The following CAMKK1 variants were observed in gnomAD, a reference collection of about 807,000 sequenced individuals.
CAMKK1 encodes the protein calcium/calmodulin dependent protein kinase kinase 1.
A neutral mutation model predicts 63.5 loss-of-function variants in CAMKK1; 20 were observed. The ratio of observed to expected loss-of-function variants is 0.32; its 90% confidence interval spans 0.22 to 0.46. The LOEUF (loss-of-function observed/expected upper bound fraction) is 0.46, where lower values mean the gene tolerates loss of function less well. CAMKK1 is among the 20% of genes least tolerant of loss of function. CAMKK1 has a pLI of 1.00. For synonymous variants in CAMKK1, 253 were observed against 269.0 expected (o/e 0.94, Z 0.58); for missense variants, 588 against 658.1 (o/e 0.89, Z 1.17).
At chr17:3,875,295 T>C (rs1320794973) in intron 10 of CAMKK1, among the ~76,000 whole-genome samples, 1 of 152,108 alleles carries the variant, frequency 6.6e-6, no homozygotes, top group Non-Finnish European at 1.5e-5. Context: ...CCCAACGTCT[T>C]TCTTTCTTTC....
chr17:3,869,252 C>T (rs1009722716), intron 14 of CAMKK1, among the ~76,000 whole-genome samples: 3 of 152,224 alleles, frequency 2.0e-5, no homozygotes, highest in East Asian at 1.9e-4. Flanking sequence ...CCACCGCGCC[C>T]GGCCCCACGC....
intron 12 of CAMKK1, among the ~76,000 whole-genome samples, chr17:3,871,407 T>G (rs184078172): frequency 3.5e-4 from 48 of 136,756 alleles, no homozygotes; most frequent in Non-Finnish European, 5.2e-4. Flanking sequence ...CAGGCTGGAG[T>G]GCAGTAGCAC....
Position 3,860,773 on chromosome 17 carries a change from G to A in CAMKK1, c.*1438C>T, listed in dbSNP as rs1348314725. ...ATGCATGTACCAGTGCAGGACATAC[G>A]AGTGAGCTGTGTGCAACAGATGAGC... On this transcript the variant is annotated 3_prime_UTR_variant, in exon 16 of 16. Coordinates refer to ENST00000348335, the MANE Select transcript of CAMKK1 (RefSeq NM_032294.3). The A allele has an allele frequency of 1.3e-5, 2 of 152,226 alleles. No individual in the cohort carries two copies. The highest frequency in any genetic ancestry group is 6.5e-5 in the Admixed American group (1 of 15,274). 9.4% of individuals were successfully genotyped at this position (152,226 alleles called of 1,614,324 possible).
intron 8 of CAMKK1, 42 bp from the exon 9 acceptor site, chr17:3,880,476 G>A: frequency 6.5e-7 from 1 of 1,536,894 alleles, no homozygotes. Context: ...GCTGAAATCA[G>A]GGCACCCGGC....
intron 11 of CAMKK1, among the ~76,000 whole-genome samples, chr17:3,873,086 A>G (rs2054967596): frequency 6.6e-6 from 1 of 152,254 alleles, no homozygotes. Flanking sequence ...AATTTGTCGA[A>G]TAAATGAGCA....
chr17:3,869,114 G>A (rs554926533), intron 14 of CAMKK1, among the ~76,000 whole-genome samples: 120 of 151,474 alleles, frequency 7.9e-4, no homozygotes, highest in African/African-American at 2.5e-3. Context: ...GACTACACGC[G>A]CCCGCCACCA....
At position 3,890,361 on chromosome 17, in the gene CAMKK1, C is replaced by T. The variant is rs186445082; in HGVS notation, c.-44+2578G>A. Among the ~76,000 whole-genome samples, 297 of 152,266 alleles carry T rather than the reference C, an allele frequency of 2.0e-3. 1 individual carries two copies. Among genetic ancestry groups the T allele is most frequent in the Admixed American group, 4.2e-3 (64 of 15,302 alleles). On this transcript the variant is annotated intron_variant, in intron 1 of 15. Transcript: ENST00000348335. This position sits in a 1 kb window ranked among gnomAD's most constrained non-coding sequence, Gnocchi z 6.5. ...CCTGACTCAGCACAGCTACCCCCAGCGCATCGTCCTGGCCCACCCACGGAG... is the reference window on the plus strand; with the variant it reads ...CCTGACTCAGCACAGCTACCCCCAGTGCATCGTCCTGGCCCACCCACGGAG...
rs1329299163 is a variant in CAMKK1, at chr17:3,876,742, C to T, written c.797-320G>A. Among the ~76,000 whole-genome samples, 3 of 142,928 alleles carry T rather than the reference C, an allele frequency of 2.1e-5. No individual in the cohort carries two copies. The East Asian group carries it at 6.3e-4, about 30-fold the overall frequency. 93.8% of individuals were successfully genotyped at this position (142,928 alleles called of 152,430 possible). On this transcript the variant is annotated intron_variant, in intron 9 of 15. Transcript: ENST00000348335. ...GGAAACTAGGGCAGGAGAGTTGTTG[C>T]TGTTTTTTTTTTTGGTTTTTTTTTT...
At chr17:3,867,544 A>G (rs927735775) in intron 14 of CAMKK1, among the ~76,000 whole-genome samples, 3 of 152,186 alleles carry the variant, frequency 2.0e-5, no homozygotes, top group Non-Finnish European at 4.4e-5. Flanking sequence ...AGCAAGGGAC[A>G]GCGTGGGAGG....
Position 3,885,560 on chromosome 17 carries a change from T to C in CAMKK1, c.128A>G (p.Asp43Gly). 1 of 1,613,378 alleles carries C rather than the reference T, an allele frequency of 6.2e-7. No homozygotes were observed. The highest frequency in any genetic ancestry group is 2.2e-5 in the East Asian group (1 of 44,866). ...GGCAGCTCTGGCCCGTGGTGGGGGG[T>C]CCACACCGTTTCTAGTAGGCTCTGG... ...GGPEPTRNGV[D>G]PPPRARAASV... The change falls in exon 2 of 16, where the codon GAC becomes GGC. Residue 43 changes from aspartate (D) to glycine (G), a missense_variant. Around this residue, in one of 3 missense-constraint regions of CAMKK1, gnomAD observed 357 missense variants for 407.4 expected, o/e 0.88. Transcript: ENST00000348335.
intron 1 of CAMKK1, among the ~76,000 whole-genome samples, chr17:3,891,505 T>C (rs1448080540): frequency 6.6e-6 from 1 of 152,060 alleles, no homozygotes; most frequent in East Asian, 1.9e-4. Context: ...GGGAAGAGCA[T>C]TTCAGGTGCA....
intron 14 of CAMKK1, among the ~76,000 whole-genome samples, chr17:3,867,265 C>T (rs1160364982): frequency 6.6e-6 from 1 of 152,132 alleles, no homozygotes; most frequent in East Asian, 1.9e-4. Flanking sequence ...GTGGGACTCC[C>T]CGGGCAGAGG....
chr17:3,864,582 C>A (rs2054443843), intron 15 of CAMKK1, among the ~76,000 whole-genome samples: 1 of 152,202 alleles, frequency 6.6e-6, no homozygotes, highest in Admixed American at 6.5e-5. Flanking sequence ...CCCTTTCACT[C>A]TCAAAAATGT....
Position 3,884,144 on chromosome 17 carries a change from A to G in CAMKK1, c.409-207T>C, listed in dbSNP as rs1426005776. Among the ~76,000 whole-genome samples, 1 of 152,054 alleles carries G rather than the reference A, an allele frequency of 6.6e-6. No homozygotes were observed. The highest frequency in any genetic ancestry group is 1.5e-5 in the Non-Finnish European group (1 of 67,990). On this transcript the variant is annotated intron_variant, in intron 3 of 15. Transcript: ENST00000348335. The surrounding 1 kb of genome is among the most constrained non-coding windows in gnomAD (Gnocchi z 4.5). The stretch of plus-strand genomic sequence containing the variant: ...CCCCTGCTTGGCTCCACATGGCTCC[A>G]TGCCTCCCTCAGTCCCTCCTTGTCC...
At position 3,892,080 on chromosome 17, in the gene CAMKK1, C is replaced by A. The variant is rs372640695; in HGVS notation, c.-44+859G>T. 6.6e-6 allele frequency among the ~76,000 whole-genome samples: 1 copy of A among 152,080 alleles called. No homozygotes were observed. Among genetic ancestry groups the A allele is most frequent in the Non-Finnish European group, 1.5e-5 (1 of 67,984 alleles). Reference sequence around the variant, plus strand: ...GCGCCACTTCCCTGGGATCCTCCAGCGCGCACAGGCTGTGTGCCCCTCCCA... The same window carrying A: ...GCGCCACTTCCCTGGGATCCTCCAGAGCGCACAGGCTGTGTGCCCCTCCCA... On this transcript the variant is annotated intron_variant, in intron 1 of 15. Transcript: ENST00000348335. This position sits in a 1 kb window ranked among gnomAD's most constrained non-coding sequence, Gnocchi z 7.5.
rs751541430 is a variant in CAMKK1, at chr17:3,872,618, T to C, written c.1060A>G (p.Ile354Val). The C allele has an allele frequency of 5.6e-6, 9 of 1,613,836 alleles. No homozygotes were observed. The highest frequency in any genetic ancestry group is 5.5e-5 in the South Asian group (5 of 91,078). Residue 354 changes from isoleucine to valine, a missense_variant, in exon 12 of 16, where the codon ATC (isoleucine) becomes GTC (valine). Ile to Val is a conservative substitution (Grantham distance 29). Transcript: ENST00000348335. ...TGGAGGGCCAGGATGAAATCGTCGA[T>C]GAATGGGCACTGTGGGGTGGAGAGG... The part of the protein sequence containing the change: ...YCFVYGKCPF[I>V]DDFILALHRK...
chr17:3,882,584 A>G lies in CAMKK1; in HGVS notation c.649-20T>C. 1 of 1,588,064 alleles carries G rather than the reference A, an allele frequency of 6.3e-7. No individual in the cohort carries two copies. The highest frequency in any genetic ancestry group is 1.1e-5 in the South Asian group (1 of 87,638). ...CAGGACCTGGTCAGAGGGAGCAGACATGGGGGTGGGGCTTGAGGAGGCGTG... is the reference window on the plus strand; with the variant it reads ...CAGGACCTGGTCAGAGGGAGCAGACGTGGGGGTGGGGCTTGAGGAGGCGTG... On this transcript the variant is annotated intron_variant, in intron 6 of 15. Coordinates refer to ENST00000348335, the MANE Select transcript of CAMKK1 (RefSeq NM_032294.3). The surrounding 1 kb of genome is among the most constrained non-coding windows in gnomAD (Gnocchi z 4.3).
Position 3,892,123 on chromosome 17 carries a change from T to C in CAMKK1, c.-44+816A>G, listed in dbSNP as rs964318922. Among the ~76,000 whole-genome samples the C allele has an allele frequency of 4.0e-5, 6 of 150,834 alleles. No individual in the cohort carries two copies. The highest frequency in any genetic ancestry group is 1.5e-4 in the African/African-American group (6 of 40,294). ...CCCTCCCACACTCCTGTGCCCGCCC[T>C]GCGGACACCACCAAGGCCCGGTCCT... On this transcript the variant is annotated intron_variant, in intron 1 of 15. Transcript: ENST00000348335. The surrounding 1 kb of genome is among the most constrained non-coding windows in gnomAD (Gnocchi z 7.5).
In CAMKK1 at chr17:3,878,316, C is replaced by T. The variant is rs150048835; in HGVS notation, c.797-1894G>A. On this transcript the variant is annotated intron_variant, in intron 9 of 15. Coordinates refer to ENST00000348335, the MANE Select transcript of CAMKK1 (RefSeq NM_032294.3). ...GTTCATCCACCTGTCCAGCCCCTGG[C>T]GCTAACCGTTCTGCCCCAGGGAAGC... Among the ~76,000 whole-genome samples the T allele has an allele frequency of 1.9e-3, 293 of 152,346 alleles. 1 individual carries two copies. Among genetic ancestry groups the T allele is most frequent in the African/African-American group, 6.8e-3 (283 of 41,578 alleles).
Sources: allele counts gnomAD v4.1 joint callset (sites outside exome capture counted in the v4.1 genomes callset), GRCh38; gene constraint gnomAD v4.1.1; regional missense constraint gnomAD v4.1.1; non-coding constraint Gnocchi (gnomAD v3.1); transcripts MANE v1.5; gene names NCBI Gene and HGNC (gene_info 2026-07-23, HGNC 2026-07-21).